Variants in KSR1 observed in about 807,000 individuals in gnomAD.
The protein encoded by KSR1 is kinase suppressor of ras 1.
In KSR1, 35 loss-of-function variants were observed where a neutral mutation model predicts 92.9. That is an observed-to-expected ratio of 0.38 (90% CI 0.29 to 0.50). The LOEUF is 0.50. Among genes scored for constraint, KSR1 ranks in the 20% least tolerant of loss-of-function variants. KSR1 has a pLI of 0.94. For synonymous variants in KSR1, 467 were observed against 472.6 expected, an observed-to-expected ratio of 0.99 and a Z score of 0.15; for missense variants, 972 against 1,158.5, an observed-to-expected ratio of 0.84 and a Z score of 2.34.
At position 27,549,358 on chromosome 17, in the gene KSR1, G is replaced by GGC. The variant is rs374222177; in HGVS notation, c.232-1209_232-1208dup. Among the ~76,000 whole-genome samples the GGC allele has an allele frequency of 8.6e-3, 1,317 of 152,310 alleles. 16 individuals carry two copies. The highest frequency in any genetic ancestry group is 0.031 in the African/African-American group (1,272 of 41,556). Reference sequence around the variant, plus strand: ...AAGCCAGGCAACTCCCTGGTCTTCTGGCAGTGAGCTCGTTTCCATCTGTCG... The same window carrying GGC: ...AAGCCAGGCAACTCCCTGGTCTTCTGGCGCAGTGAGCTCGTTTCCATCTGTCG... On this transcript the variant is annotated intron_variant, in intron 1 of 20. Transcript: ENST00000644974.
intron 1 of KSR1, among the ~76,000 whole-genome samples, chr17:27,470,644 G>A (rs899086592): frequency 6.6e-6 from 1 of 152,136 alleles, no homozygotes; most frequent in Non-Finnish European, 1.5e-5. Flanking sequence ...CCAAAGTACT[G>A]GGAGTACAGG....
At chr17:27,605,888 A>C (rs1291774555) in intron 14 of KSR1, 75 bp downstream of exon 14, 14 of 1,576,918 alleles carry the variant, frequency 8.9e-6, no homozygotes, top group Non-Finnish European at 1.0e-5. Flanking sequence ...GTTTGTGTGG[A>C]TGCCCTAGAG....
chr17:27,556,326 C>T (rs1598018962), intron 2 of KSR1, among the ~76,000 whole-genome samples: 2 of 151,936 alleles, frequency 1.3e-5, no homozygotes, highest in East Asian at 1.9e-4. Flanking sequence ...GCGATCCTCC[C>T]GCCTCACTTC....
At chr17:27,490,568 A>G (rs1408099478) in intron 1 of KSR1, among the ~76,000 whole-genome samples, 1 of 152,144 alleles carries the variant, frequency 6.6e-6, no homozygotes, top group Non-Finnish European at 1.5e-5. Flanking sequence ...TACAGAATGT[A>G]GGCAGCAAAG....
At chr17:27,496,804 T>C (rs2069003622) in intron 1 of KSR1, among the ~76,000 whole-genome samples, 1 of 152,210 alleles carries the variant, frequency 6.6e-6, no homozygotes. Flanking sequence ...CGAGTGAAGA[T>C]GGAAACTGTC....
At chr17:27,485,802 C>T (rs1006310932) in intron 1 of KSR1, among the ~76,000 whole-genome samples, 1 of 152,156 alleles carries the variant, frequency 6.6e-6, no homozygotes, top group Non-Finnish European at 1.5e-5. Flanking sequence ...TTTGCTGGCT[C>T]TGTAACCTTG....
At chr17:27,543,399 A>T (rs1184364977) in intron 1 of KSR1, among the ~76,000 whole-genome samples, 3 of 152,158 alleles carry the variant, frequency 2.0e-5, no homozygotes, top group African/African-American at 7.2e-5. Context: ...AGTGTAAAGG[A>T]AGGATGACAA....
chr17:27,527,397 C>T (rs2070353534), intron 1 of KSR1, among the ~76,000 whole-genome samples: 1 of 102,712 alleles, frequency 9.7e-6, no homozygotes, highest in Non-Finnish European at 2.2e-5. Context: ...ACCCGCCCCC[C>T]CCCCCCCCTT....
chr17:27,610,796 T>C (rs73274066), intron 17 of KSR1, among the ~76,000 whole-genome samples: 6,576 of 152,252 alleles, frequency 0.043, 395 homozygotes, highest in African/African-American at 0.13. Context: ...AATAAGATAT[T>C]TTATATTCTT....
At chr17:27,506,332 AC>A (rs2069379966) in intron 1 of KSR1, among the ~76,000 whole-genome samples, 1 of 152,146 alleles carries the variant, frequency 6.6e-6, no homozygotes, top group Non-Finnish European at 1.5e-5. Context: ...GAATAATACT[AC>A]CCTAACTCAT....
At chr17:27,587,437 G>A (rs2073009848) in intron 5 of KSR1, 1 of 152,222 alleles carries the variant, frequency 6.6e-6, no homozygotes, top group Non-Finnish European at 1.5e-5. Context: ...GGATTGAGGG[G>A]GGCAGTGGCC....
intron 13 of KSR1, among the ~76,000 whole-genome samples, 166 bp downstream of exon 13, chr17:27,604,894 A>C (rs1485869719): frequency 6.6e-6 from 1 of 152,126 alleles, no homozygotes; most frequent in African/African-American, 2.4e-5. Context: ...TGAGGAATGC[A>C]ATGGAGCAAG....
chr17:27,496,554 G>A (rs930320555), intron 1 of KSR1, among the ~76,000 whole-genome samples: 1 of 152,156 alleles, frequency 6.6e-6, no homozygotes, highest in African/African-American at 2.4e-5. Context: ...AGGCCCCCAT[G>A]TGGTCTTCTT....
intron 1 of KSR1, among the ~76,000 whole-genome samples, chr17:27,526,040 T>TC (rs1172285495): frequency 5.8e-4 from 51 of 88,112 alleles, no homozygotes; most frequent in African/African-American, 3.3e-3. Context: ...TTCTTTTCTT[T>TC]TCTTTCTCTC....
intron 2 of KSR1, among the ~76,000 whole-genome samples, chr17:27,564,748 C>T (rs866157379): frequency 1.1e-4 from 11 of 98,696 alleles, no homozygotes; most frequent in Non-Finnish European, 1.9e-4. Flanking sequence ...CCCCCCCCCC[C>T]ACCTCCCCCA....
chr17:27,598,861 C>T (rs958213619), intron 10 of KSR1, among the ~76,000 whole-genome samples: 1 of 152,210 alleles, frequency 6.6e-6, no homozygotes, highest in Non-Finnish European at 1.5e-5. Flanking sequence ...AACCCTCCCC[C>T]CAACCCCCAC....
Position 27,456,945 on chromosome 17 carries a change from C to T in KSR1, c.231+71C>T, listed in dbSNP as rs1026154306. ...CACCTCCCTCCGGGCCCCAGTACTC[C>T]TGGCCGAGTTGCATCCTTGAGCCCG... is the stretch of plus-strand genomic sequence containing the variant. On this transcript the variant is annotated intron_variant, in intron 1 of 20. Coordinates refer to ENST00000644974, the MANE Select transcript of KSR1 (RefSeq NM_001394583.1). The T allele has an allele frequency of 3.3e-5, 24 of 730,798 alleles. No individual in the cohort carries two copies. In the African/African-American group the frequency reaches 3.8e-4, roughly 12 times the overall value. 45.3% of individuals were successfully genotyped at this position (730,798 alleles called of 1,614,324 possible).
At chr17:27,548,170 A>G (rs1340442957) in intron 1 of KSR1, among the ~76,000 whole-genome samples, 1 of 150,524 alleles carries the variant, frequency 6.6e-6, no homozygotes, top group Non-Finnish European at 1.5e-5. Flanking sequence ...CTGAGGTGGG[A>G]GGATTGCTTG....
chr17:27,499,739 T>C (rs912602841), intron 1 of KSR1, among the ~76,000 whole-genome samples: 12 of 152,218 alleles, frequency 7.9e-5, no homozygotes, highest in Admixed American at 3.3e-4. Context: ...AGGTAAGCCT[T>C]CAATAATGTG....
Sources: gnomAD v4.1 joint callset for allele counts (sites outside exome capture counted in the v4.1 genomes callset) on GRCh38, gnomAD v4.1.1 for gene constraint, MANE v1.5 for transcripts, NCBI Gene and HGNC (gene_info 2026-07-23, HGNC 2026-07-21) for gene names.